The following ZFHX3 variants were observed in gnomAD, a reference collection of about 807,000 sequenced individuals.
The protein encoded by ZFHX3 is zinc finger homeobox protein 3.
ZFHX3 carries 42 observed loss-of-function variants against 279.1 expected under a neutral mutation model. That is an observed-to-expected ratio of 0.15 (90% CI 0.12 to 0.19). The LOEUF is 0.19. ZFHX3 is among the 10% of genes least tolerant of loss of function. The probability of loss-of-function intolerance (pLI) is 1.00; values close to 1 mark genes in which losing one functional copy is unlikely to be tolerated. For missense variants in ZFHX3, 4,981 were observed against 4,754.0 expected, an observed-to-expected ratio of 1.05 and a Z score of -1.40; for synonymous variants, 2,293 against 1,957.8, an observed-to-expected ratio of 1.17 and a Z score of -4.52.
At chr16:73,858,389 T>C (rs1961795429) in intron 1 of ZFHX3, among the ~76,000 whole-genome samples, 1 of 152,232 alleles carries the variant, frequency 6.6e-6, no homozygotes. Context: ...TTAGATGCTC[T>C]GATGACAAGA....
rs2012630486 is a variant in ZFHX3, at chr16:73,227,438, A to T, written c.-1104+29609T>A. Among the ~76,000 whole-genome samples, 2 of 152,226 alleles carry T rather than the reference A, an allele frequency of 1.3e-5. 1 individual carries two copies. Among genetic ancestry groups the T allele is most frequent in the South Asian group, 4.1e-4 (2 of 4,834 alleles). On this transcript the variant is annotated intron_variant, in intron 5 of 17. Transcript: ENST00000641206. ...ATTTTCAGAGTAGGAAGGAAACTTC[A>T]ATTACCACCTTTTTCTTCCTTCCAT...
At position 72,793,608 on chromosome 16, in the gene ZFHX3, T is replaced by C. The variant is rs1477870279; in HGVS notation, c.9074A>G (p.Glu3025Gly). 3 of 1,614,198 alleles carry C rather than the reference T, an allele frequency of 1.9e-6. No individual in the cohort carries two copies. The highest frequency in any genetic ancestry group is 1.6e-4 in the Middle Eastern group (1 of 6,062). Residue 3025 changes from glutamate (E) to glycine (G), a missense_variant, in exon 9 of 10, where the codon GAG (glutamate) becomes GGG (glycine). This residue lies in a region of ZFHX3 where 168 missense variants were observed against 249.1 expected (regional missense o/e 0.67). Coordinates refer to ENST00000268489, the MANE Select transcript of ZFHX3 (RefSeq NM_006885.4). The surrounding 1 kb of genome is among the most constrained non-coding windows in gnomAD (Gnocchi z 4.3). The part of the protein sequence containing the change: ...NQTSYEGPKT[E>G]CTLCGIKYSA... ...GTACTTGATGCCACACAAAGTGCAC[T>C]CTGTTTTGGGTCCCTCATAACTCGT...
chr16:73,564,365 G>A (rs1013906811), intron 2 of ZFHX3, among the ~76,000 whole-genome samples: 2 of 152,142 alleles, frequency 1.3e-5, no homozygotes, highest in Admixed American at 6.5e-5. Flanking sequence ...TTACATCCCA[G>A]TTCTCATCCA....
At chr16:73,289,739 T>TTAA (rs1001782424) in intron 4 of ZFHX3, among the ~76,000 whole-genome samples, 3 of 152,012 alleles carry the variant, frequency 2.0e-5, no homozygotes. Context: ...AACCACCCAT[T>TTAA]TACCATTCTG....
intron 2 of ZFHX3, among the ~76,000 whole-genome samples, chr16:73,524,500 A>G (rs547433090): frequency 6.6e-6 from 1 of 152,190 alleles, no homozygotes; most frequent in African/African-American, 2.4e-5. Context: ...TGTCCCTACC[A>G]CTTCCCAAAG....
intron 2 of ZFHX3, among the ~76,000 whole-genome samples, chr16:73,588,683 C>T (rs1384913651): frequency 2.2e-5 from 3 of 138,334 alleles, no homozygotes; most frequent in African/African-American, 5.7e-5. Context: ...GAGTGAGACT[C>T]GGTCTCAAAA....
At chr16:73,883,923 GT>G (rs975800836) in intron 1 of ZFHX3, among the ~76,000 whole-genome samples, 12 of 152,168 alleles carry the variant, frequency 7.9e-5, no homozygotes, top group African/African-American at 2.9e-4. Flanking sequence ...AGAAGGAGAA[GT>G]TACTTTGGAA....
chr16:72,979,395 A>G (rs1307572754), intron 1 of ZFHX3, among the ~76,000 whole-genome samples: 1 of 152,178 alleles, frequency 6.6e-6, no homozygotes, highest in Non-Finnish European at 1.5e-5. Flanking sequence ...GAAAAACACC[A>G]CCAGCCAGGT....
intron 8 of ZFHX3, among the ~76,000 whole-genome samples, chr16:73,076,371 A>G (rs954631143): frequency 3.3e-5 from 5 of 152,204 alleles, no homozygotes; most frequent in African/African-American, 1.2e-4. Flanking sequence ...TGAGATAAAG[A>G]TACGTTATCA....
intron 7 of ZFHX3, among the ~76,000 whole-genome samples, chr16:72,803,541 T>C (rs1256619772): frequency 1.3e-5 from 2 of 152,176 alleles, no homozygotes; most frequent in Non-Finnish European, 2.9e-5. Context: ...ACATGCTTTC[T>C]CTCTGTTCCT....
intron 5 of ZFHX3, among the ~76,000 whole-genome samples, chr16:73,175,864 C>CT (rs1967652323): frequency 6.6e-6 from 1 of 152,192 alleles, no homozygotes; most frequent in African/African-American, 2.4e-5. Context: ...CTTCAAAGCA[C>CT]TTTTTCCAAC....
At chr16:73,058,652 C>G (rs903362913) in exon 1 of ZFHX3, 4 of 233,034 alleles carry the variant, frequency 1.7e-5, no homozygotes, top group African/African-American at 7.3e-5. Context: ...ATCAAGGCAG[C>G]AGCGGCGGCT....
At chr16:73,200,930 C>G (rs1407166177) in intron 5 of ZFHX3, among the ~76,000 whole-genome samples, 4 of 152,170 alleles carry the variant, frequency 2.6e-5, no homozygotes, top group African/African-American at 9.7e-5. Context: ...TTGGGACGTA[C>G]TGAGATAATT....
rs749755743 is a variant in ZFHX3 at position 73,216,456 on chromosome 16, C to T, written c.-1104+40591G>A. 7.7e-4 allele frequency among the ~76,000 whole-genome samples: 117 copies of T among 152,190 alleles called. 3 individuals are homozygous for T. The highest frequency in any genetic ancestry group is 2.6e-4 in the Admixed American group (4 of 15,270). ...CAACAGTACTTGTCAAACTGGATATCGCTAGTATTATATCCATCTCCCTCA... is the reference window on the plus strand; with the variant it reads ...CAACAGTACTTGTCAAACTGGATATTGCTAGTATTATATCCATCTCCCTCA... On this transcript the variant is annotated intron_variant, in intron 5 of 17. Coordinates refer to the ZFHX3 transcript ENST00000641206.
chr16:72,795,207 C>A lies in ZFHX3; in HGVS notation c.7475G>T (p.Cys2492Phe). 1.2e-6 allele frequency: 2 copies of A among 1,606,106 alleles called. No individual in the cohort carries two copies. The highest frequency in any genetic ancestry group is 1.7e-6 in the Non-Finnish European group (2 of 1,176,200). The change falls in exon 9 of 10, where the codon TGC (cysteine) becomes TTC (phenylalanine). Residue 2492 changes from cysteine to phenylalanine, a missense_variant. By Grantham distance (205) the Cys-to-Phe change is radical (BLOSUM62 -2). Coordinates refer to ENST00000268489, the MANE Select transcript of ZFHX3 (RefSeq NM_006885.4). ...QPPPQAPPPQCPLPQSSPSPS... is the reference protein window; with the variant it reads ...QPPPQAPPPQFPLPQSSPSPS... Reference sequence around the variant, plus strand: ...ACTGGGGCTCGACTGGGGTAAGGGGCACTGTGGAGGGGGCGCTTGTGGAGG... The same window carrying A: ...ACTGGGGCTCGACTGGGGTAAGGGGAACTGTGGAGGGGGCGCTTGTGGAGG...
chr16:73,549,466 CTTTAG>C (rs2020171633), intron 2 of ZFHX3, among the ~76,000 whole-genome samples: 1 of 152,014 alleles, frequency 6.6e-6, no homozygotes, highest in African/African-American at 2.4e-5. Flanking sequence ...TTTCTATCTT[CTTTAG>C]TTTAGTTCCA....
chr16:73,396,397 G>A (rs1360376559), intron 3 of ZFHX3, among the ~76,000 whole-genome samples: 1 of 149,124 alleles, frequency 6.7e-6, no homozygotes, highest in Non-Finnish European at 1.5e-5. Context: ...GAATTGACAT[G>A]TTTAATTGTT....
At chr16:72,805,008 C>T (rs906998709) in intron 7 of ZFHX3, among the ~76,000 whole-genome samples, 3 of 152,036 alleles carry the variant, frequency 2.0e-5, no homozygotes, top group African/African-American at 4.8e-5. Flanking sequence ...GAGGGAGTTT[C>T]GCTCTGTTGC....
At chr16:73,230,656 G>C (rs559144894) in intron 5 of ZFHX3, among the ~76,000 whole-genome samples, 111 of 152,232 alleles carry the variant, frequency 7.3e-4, no homozygotes, top group African/African-American at 2.6e-3. Flanking sequence ...AGACCTACTC[G>C]GGAAGGCCTG....
Sources: gnomAD v4.1 joint callset for allele counts (sites outside exome capture counted in the v4.1 genomes callset) on GRCh38, gnomAD v4.1.1 for gene constraint, gnomAD v4.1.1 regional missense constraint, Gnocchi (gnomAD v3.1) non-coding constraint, MANE v1.5 for transcripts, NCBI Gene and HGNC (gene_info 2026-07-23, HGNC 2026-07-21) for gene names.